The following CYLC2 variants were observed in gnomAD, a reference collection of about 807,000 sequenced individuals.
CYLC2 encodes the protein cylicin 2, also known as cylicin-2.
In CYLC2, 30 loss-of-function variants were observed where a neutral mutation model predicts 26.1. That is an observed-to-expected ratio of 1.15 (90% CI 0.86 to 1.56). CYLC2 has a LOEUF of 1.56. Ranked by LOEUF, CYLC2 falls within the 40% of genes most tolerant of loss-of-function variation. The pLI is 0.00. For synonymous variants in CYLC2, 158 were observed against 132.8 expected (o/e 1.19, Z -1.31); for missense variants, 498 against 394.4 (o/e 1.26, Z -2.23).
chr9:103,005,356 AG>A lies in CYLC2; in HGVS notation c.726del (p.Lys243ArgfsTer113), dbSNP rs764878583. 7 of 1,613,968 alleles carry A rather than the reference AG, an allele frequency of 4.3e-6. No homozygotes were observed. The highest frequency in any genetic ancestry group is 5.9e-6 in the Non-Finnish European group (7 of 1,179,952). On this transcript the variant is annotated frameshift_variant, in exon 5 of 8. Transcript: ENST00000374798. LOFTEE classifies it low-confidence loss of function (END_TRUNC). ...IELQAVKADE[K>X]KDEDGKKDAN... ...TTACAAGCTGTAAAAGCAGATGAAA[AG>A]AAGGATGAGGATGGAAAAAAAGATG...
intron 2 of CYLC2, 152 bp downstream of exon 2, chr9:103,001,770 A>G (rs1829291647): frequency 1.8e-6 from 1 of 567,160 alleles, no homozygotes; most frequent in Non-Finnish European, 3.1e-6. Flanking sequence ...GGCCCAGTGA[A>G]CACCTTTAAT....
At chr9:103,003,849 T>C (rs890466023) in intron 3 of CYLC2, among the ~76,000 whole-genome samples, 4 of 152,080 alleles carry the variant, frequency 2.6e-5, no homozygotes, top group Admixed American at 6.5e-5. Context: ...AGTTCTGTAA[T>C]ATAGAATTCA....
At chr9:103,007,343 AT>A (rs1344947126) in intron 5 of CYLC2, among the ~76,000 whole-genome samples, 5 of 152,148 alleles carry the variant, frequency 3.3e-5, no homozygotes, top group Admixed American at 2.6e-4. Flanking sequence ...TAATCAATTT[AT>A]TTTGATTGAA....
intron 1 of CYLC2, among the ~76,000 whole-genome samples, chr9:102,999,893 T>A (rs985401098): frequency 6.6e-6 from 1 of 151,812 alleles, no homozygotes; most frequent in South Asian, 2.1e-4. Flanking sequence ...GTGTCTATAA[T>A]AATGTGGGAT....
In CYLC2 at chr9:103,004,943, A is replaced by G. The variant is rs540532996; in HGVS notation, c.338-26A>G. 8 of 1,576,544 alleles carry G rather than the reference A, an allele frequency of 5.1e-6. No individual in the cohort carries two copies. The South Asian group carries it at 8.3e-5, about 16-fold the overall frequency. ...ATCAAGTTTGGATTTTCCCATTTTAAGAAATATTTGAATATTTATCCCCAG... is the reference window on the plus strand; with the variant it reads ...ATCAAGTTTGGATTTTCCCATTTTAGGAAATATTTGAATATTTATCCCCAG... On this transcript the variant is annotated intron_variant, in intron 4 of 7. Coordinates refer to ENST00000374798, the MANE Select transcript of CYLC2 (RefSeq NM_001340.5).
chr9:103,005,354 AAAG>A lies in CYLC2; in HGVS notation c.727_729del (p.Lys243del), dbSNP rs1189438830. 19 of 1,613,874 alleles carry A rather than the reference AAAG, an allele frequency of 1.2e-5. No individual in the cohort carries two copies. Among genetic ancestry groups the A allele is most frequent in the African/African-American group, 5.3e-5 (4 of 74,914 alleles). ...AATTACAAGCTGTAAAAGCAGATGA[AAAG>A]AAGGATGAGGATGGAAAAAAAGATG... is the stretch of plus-strand genomic sequence containing the variant. On this transcript the variant is annotated inframe_deletion, in exon 5 of 8. Transcript: ENST00000374798.
Position 103,005,718 on chromosome 9 carries a change from G to C in CYLC2, c.*40G>C. On this transcript the variant is annotated 3_prime_UTR_variant, in exon 5 of 8. Coordinates refer to ENST00000374798, the MANE Select transcript of CYLC2 (RefSeq NM_001340.5). ...TTTGAACCGAAAGAATAATTCAAAA[G>C]CATATTTGATGAAACAATAGTGGTA... The C allele has an allele frequency of 6.4e-7, 1 of 1,560,856 alleles. No homozygotes were observed. The highest frequency in any genetic ancestry group is 1.2e-5 in the South Asian group (1 of 81,758).
At chr9:103,014,370 CA>C (rs1172236438) in intron 6 of CYLC2, among the ~76,000 whole-genome samples, 1 of 132,750 alleles carries the variant, frequency 7.5e-6, no homozygotes, top group Admixed American at 8.1e-5. Flanking sequence ...ACATAATATA[CA>C]TTATGTATAT....
chr9:103,004,651 T>A (rs949981840), intron 3 of CYLC2, 44 bp from the exon 4 acceptor site: 1 of 1,368,622 alleles, frequency 7.3e-7, no homozygotes, highest in Non-Finnish European at 1.0e-6. Context: ...CAAACTGTGT[T>A]ATTCACTCAC....
At chr9:103,001,696 T>C in intron 2 of CYLC2, 78 bp downstream of exon 2, 1 of 898,070 alleles carries the variant, frequency 1.1e-6, no homozygotes, top group South Asian at 1.6e-5. Context: ...TTCAAAGTGA[T>C]AAAGCAAACA....
At chr9:103,011,305 CT>C (rs1415610965) in intron 5 of CYLC2, among the ~76,000 whole-genome samples, 5 of 152,008 alleles carry the variant, frequency 3.3e-5, no homozygotes, top group African/African-American at 4.8e-5. Flanking sequence ...TTTTGTTTAA[CT>C]TTTAGTGTAA....
chr9:103,005,522 G>C lies in CYLC2; in HGVS notation c.891G>C (p.Thr297=). Residue 297 remains threonine, a synonymous_variant, in exon 5 of 8, where the codon ACG becomes ACC. Coordinates refer to ENST00000374798, the MANE Select transcript of CYLC2 (RefSeq NM_001340.5). ...DVKKESKKDA[T]KDAKKVAKKD... The stretch of plus-strand genomic sequence containing the variant: ...AGAAAGAGTCTAAGAAGGACGCCAC[G>C]AAAGATGCCAAGAAAGTTGCCAAGA... 1.9e-6 allele frequency: 3 copies of C among 1,611,960 alleles called. No individual in the cohort carries two copies. Among genetic ancestry groups the C allele is most frequent in the Non-Finnish European group, 2.5e-6 (3 of 1,178,734 alleles).
chr9:103,011,310 A>G (rs1338738254), intron 5 of CYLC2, among the ~76,000 whole-genome samples: 2 of 152,084 alleles, frequency 1.3e-5, no homozygotes, highest in Non-Finnish European at 2.9e-5. Context: ...TTTAACTTTT[A>G]GTGTAACTTT....
At position 103,005,304 on chromosome 9, in the gene CYLC2, A is replaced by T; in HGVS notation, c.673A>T (p.Lys225Ter). 1 of 1,613,780 alleles carries T rather than the reference A, an allele frequency of 6.2e-7. No homozygotes were observed. The highest frequency in any genetic ancestry group is 2.2e-5 in the East Asian group (1 of 44,862). ...KDSKKGKKDS[K>*]KGKDSAIELQ... is the part of the protein sequence containing the mutation. ...TAGCAAAAAAGGTAAAAAGGATTCA[A>T]AGAAGGGCAAGGATTCAGCCATAGA... Residue 225 changes from lysine to a stop codon, truncating the protein, a stop_gained, in exon 5 of 8, where the codon AAG becomes TAG. Transcript: ENST00000374798. LOFTEE classifies it low-confidence loss of function (END_TRUNC).
intron 6 of CYLC2, among the ~76,000 whole-genome samples, chr9:103,013,884 AAAT>A (rs1381222269): frequency 1.8e-5 from 2 of 113,362 alleles, no homozygotes; most frequent in Admixed American, 1.1e-4. Context: ...TACATATAAT[AAAT>A]AATATATTAT....
In CYLC2 at chr9:103,012,200, A is replaced by C. The variant is rs951359259; in HGVS notation, c.*816+103A>C. 2.0e-5 allele frequency: 3 copies of C among 152,472 alleles called. No homozygotes were observed. The East Asian group carries it at 5.8e-4, about 29-fold the overall frequency. 9.4% of individuals were successfully genotyped at this position (152,472 alleles called of 1,614,324 possible). A position where few individuals can be genotyped will look rare whatever the true frequency, so the allele number is the denominator to read the frequency against. ...AGTCTCAAACCTCTGCCCTCAAGTG[A>C]TCTGCTCACCTTGGCCTCCCAAAGT... On this transcript the variant is annotated intron_variant, in intron 6 of 7. Coordinates refer to ENST00000374798, the MANE Select transcript of CYLC2 (RefSeq NM_001340.5).
intron 1 of CYLC2, among the ~76,000 whole-genome samples, chr9:102,997,394 T>A (rs1054060509): frequency 6.6e-6 from 1 of 151,908 alleles, no homozygotes; most frequent in African/African-American, 2.4e-5. Context: ...AATAAATCCA[T>A]GCTAAGAAAC....
At chr9:103,014,170 T>C (rs1411792577) in intron 6 of CYLC2, among the ~76,000 whole-genome samples, 1 of 121,460 alleles carries the variant, frequency 8.2e-6, no homozygotes, top group Non-Finnish European at 1.6e-5. Context: ...AATATGAATA[T>C]TATATATCTC....
At position 103,001,577 on chromosome 9, in the gene CYLC2, G is replaced by A; in HGVS notation, c.18-1G>A. 1 of 1,538,342 alleles carries A rather than the reference G, an allele frequency of 6.5e-7. No individual in the cohort carries two copies. Among genetic ancestry groups the A allele is most frequent in the Non-Finnish European group, 8.9e-7 (1 of 1,119,188 alleles). On this transcript the variant is annotated splice_acceptor_variant, in intron 1 of 7. Transcript: ENST00000374798. LOFTEE classifies it high-confidence loss of function. ...AAAACCTTTCTTTTTTGTTTTAATA[G>A]CCAAAGAGTAAACTTTGGGCCATAT...
Sources: gnomAD v4.1 joint callset for allele counts (sites outside exome capture counted in the v4.1 genomes callset) on GRCh38, gnomAD v4.1.1 for gene constraint, MANE v1.5 for transcripts, NCBI Gene and HGNC (gene_info 2026-07-23, HGNC 2026-07-21) for gene names.